Variants in DCDC2 observed in about 807,000 individuals in gnomAD.
DCDC2 encodes the protein doublecortin domain containing 2, also known as doublecortin domain-containing protein 2.
Under a neutral mutation model 50.2 loss-of-function variants are expected in DCDC2, and 40 were observed. The observed-to-expected ratio is 0.80, with a 90% CI of 0.62 to 1.04. The LOEUF is 1.04. DCDC2 is among the 50% of genes least tolerant of loss of function. The pLI is 0.00. For synonymous variants in DCDC2, 234 were observed against 210.6 expected (o/e 1.11, Z -0.96); for missense variants, 570 against 581.9 (o/e 0.98, Z 0.21).
intron 2 of DCDC2, among the ~76,000 whole-genome samples, chr6:24,306,057 T>C (rs1759467704): frequency 6.6e-6 from 1 of 151,416 alleles, no homozygotes; most frequent in East Asian, 1.9e-4. Context: ...AGAAAAGAAA[T>C]GCTACTTGAA....
At chr6:24,312,954 G>A (rs1244380412) in intron 2 of DCDC2, among the ~76,000 whole-genome samples, 2 of 152,128 alleles carry the variant, frequency 1.3e-5, no homozygotes, top group African/African-American at 4.8e-5. Flanking sequence ...ACTCTTCAAT[G>A]TAAGTATATA....
intron 2 of DCDC2, among the ~76,000 whole-genome samples, chr6:24,319,176 T>A (rs953956119): frequency 2.0e-5 from 3 of 152,316 alleles, no homozygotes; most frequent in African/African-American, 7.2e-5. Flanking sequence ...ATTTCTCTGA[T>A]GATCAGTGAC....
chr6:24,182,519 A>G (rs1761096177), intron 8 of DCDC2, among the ~76,000 whole-genome samples: 1 of 151,774 alleles, frequency 6.6e-6, no homozygotes, highest in East Asian at 1.9e-4. Flanking sequence ...TGCAAAGAAG[A>G]TATACAAATG....
At chr6:24,227,051 G>C (rs1009859384) in intron 7 of DCDC2, among the ~76,000 whole-genome samples, 2 of 152,142 alleles carry the variant, frequency 1.3e-5, no homozygotes, top group African/African-American at 2.4e-5. Context: ...CACAGAGAAG[G>C]GGATTGATCT....
At chr6:24,215,957 T>C (rs1460198164) in intron 7 of DCDC2, among the ~76,000 whole-genome samples, 1 of 152,186 alleles carries the variant, frequency 6.6e-6, no homozygotes, top group East Asian at 1.9e-4. Context: ...CTCAGGTTTA[T>C]GGCTTGGTTG....
rs187173576 is a variant in DCDC2, at chr6:24,225,129, T to C, written c.923-20027A>G. On this transcript the variant is annotated intron_variant, in intron 7 of 9. Transcript: ENST00000378454. ...TCCTCCAATTTGGGGGTCCCTCCCA[T>C]ACCCAGATTTTTATAAGTGGTTGCT... Among the ~76,000 whole-genome samples, 17 of 152,284 alleles carry C rather than the reference T, an allele frequency of 1.1e-4. No individual in the cohort carries two copies. The East Asian group carries it at 3.1e-3, about 28-fold the overall frequency.
At chr6:24,274,630 G>GAA (rs1763312102) in intron 7 of DCDC2, among the ~76,000 whole-genome samples, 2 of 104,020 alleles carry the variant, frequency 1.9e-5, no homozygotes, top group Non-Finnish European at 4.1e-5. Flanking sequence ...AAAAAAAAAA[G>GAA]AAGAAAAGAA....
At chr6:24,252,180 C>A (rs1762807659) in intron 7 of DCDC2, among the ~76,000 whole-genome samples, 2 of 152,202 alleles carry the variant, frequency 1.3e-5, no homozygotes, top group African/African-American at 4.8e-5. Context: ...ATACCAAGTT[C>A]CCTACAAAGC....
chr6:24,232,737 C>G (rs549326723), intron 7 of DCDC2, among the ~76,000 whole-genome samples: 6 of 152,128 alleles, frequency 3.9e-5, no homozygotes, highest in Non-Finnish European at 5.9e-5. Context: ...GAACATGGAG[C>G]TCTCTATAGC....
intron 2 of DCDC2, among the ~76,000 whole-genome samples, chr6:24,302,870 A>G (rs1366477232): frequency 6.6e-6 from 1 of 151,878 alleles, no homozygotes; most frequent in Non-Finnish European, 1.5e-5. Context: ...CCTAACCCTT[A>G]AAATCCCACT....
chr6:24,220,925 A>AGCGAGAGAGTGAGCGAGAGAGT (rs1345263843), intron 7 of DCDC2, among the ~76,000 whole-genome samples: 1 of 152,030 alleles, frequency 6.6e-6, no homozygotes, highest in African/African-American at 2.4e-5. Flanking sequence ...CGAGCGAGCG[A>AGCGAGAGAGTGAGCGAGAGAGT]GAGCACATGC....
chr6:24,298,066 C>T (rs529050340), intron 4 of DCDC2, among the ~76,000 whole-genome samples: 6 of 152,318 alleles, frequency 3.9e-5, no homozygotes, highest in Middle Eastern at 3.4e-3. Flanking sequence ...TCTCCACAGA[C>T]GGAGTGGGGG....
At chr6:24,190,581 G>A (rs1761293115) in intron 8 of DCDC2, among the ~76,000 whole-genome samples, 1 of 152,112 alleles carries the variant, frequency 6.6e-6, no homozygotes, top group Non-Finnish European at 1.5e-5. Context: ...TCTCAAGTTA[G>A]AAGTAAATGT....
At chr6:24,233,449 T>C (rs1402448337) in intron 7 of DCDC2, among the ~76,000 whole-genome samples, 1 of 152,208 alleles carries the variant, frequency 6.6e-6, no homozygotes, top group Non-Finnish European at 1.5e-5. Flanking sequence ...ACCTATTTTG[T>C]ATACATTATC....
intron 8 of DCDC2, among the ~76,000 whole-genome samples, chr6:24,191,505 C>T (rs1387179499): frequency 1.3e-5 from 2 of 152,108 alleles, no homozygotes; most frequent in Non-Finnish European, 1.5e-5. Flanking sequence ...TAATTGAAAA[C>T]AGATGATAGG....
chr6:24,293,752 A>G (rs961624362), intron 4 of DCDC2, among the ~76,000 whole-genome samples: 1 of 152,268 alleles, frequency 6.6e-6, no homozygotes, highest in Non-Finnish European at 1.5e-5. Flanking sequence ...CACATGGCAC[A>G]TACCCTAAAA....
In DCDC2 at chr6:24,322,780, C is replaced by T. The variant is rs566689527; in HGVS notation, c.349-20736G>A. 4.6e-5 allele frequency among the ~76,000 whole-genome samples: 7 copies of T among 152,286 alleles called. No homozygotes were observed. The South Asian group carries it at 6.2e-4, about 14-fold the overall frequency. On this transcript the variant is annotated intron_variant, in intron 2 of 9. Coordinates refer to ENST00000378454, the MANE Select transcript of DCDC2 (RefSeq NM_016356.5). ...AGTTGTCCCGCCTTTCTGAACCAAA[C>T]AAATGTATTTCTTTAAATGTATTTG...
rs1762292586 is a variant in DCDC2, at chr6:24,229,319, G to T, written c.923-24217C>A. ...CCCATCCATCCTTAGAGCCGGCCAT[G>T]GCTCGTGGTCGAGTCTTTTTTACAT... On this transcript the variant is annotated intron_variant, in intron 7 of 9. Transcript: ENST00000378454. Among the ~76,000 whole-genome samples the T allele has an allele frequency of 2.6e-5, 4 of 152,226 alleles. No homozygotes were observed. The South Asian group carries it at 8.3e-4, about 32-fold the overall frequency.
At chr6:24,328,222 C>T (rs1233063126) in intron 2 of DCDC2, among the ~76,000 whole-genome samples, 1 of 152,214 alleles carries the variant, frequency 6.6e-6, no homozygotes, top group East Asian at 1.9e-4. Flanking sequence ...AATCCCCTGC[C>T]TACTGGCACT....
Sources: gnomAD v4.1 joint callset for allele counts (sites outside exome capture counted in the v4.1 genomes callset) on GRCh38, gnomAD v4.1.1 for gene constraint, MANE v1.5 for transcripts, NCBI Gene and HGNC (gene_info 2026-07-23, HGNC 2026-07-21) for gene names.